Variants in B3GLCT observed in about 807,000 individuals in gnomAD.
B3GLCT encodes the protein beta 3-glucosyltransferase.
In B3GLCT, 65 loss-of-function variants were observed where a neutral mutation model predicts 63.4. The ratio of observed to expected loss-of-function variants is 1.03; its 90% confidence interval spans 0.84 to 1.26. The LOEUF is 1.26. Among genes scored for constraint, B3GLCT ranks in the 50% most tolerant of loss-of-function variants. The pLI is 0.00. For missense variants in B3GLCT, 577 were observed against 604.8 expected, an observed-to-expected ratio of 0.95 and a Z score of 0.48; for synonymous variants, 233 against 219.2, an observed-to-expected ratio of 1.06 and a Z score of -0.55.
At chr13:31,214,029 G>C (rs957465756) in intron 1 of B3GLCT, among the ~76,000 whole-genome samples, 8 of 152,206 alleles carry the variant, frequency 5.3e-5, no homozygotes, top group African/African-American at 1.9e-4. Context: ...ATGGATGTCT[G>C]GGGGTGGGGA....
At chr13:31,207,186 A>T (rs1869003020) in intron 1 of B3GLCT, among the ~76,000 whole-genome samples, 1 of 152,208 alleles carries the variant, frequency 6.6e-6, no homozygotes, top group African/African-American at 2.4e-5. Flanking sequence ...AATTAATAAG[A>T]TGCCCAAAAG....
intron 2 of B3GLCT, among the ~76,000 whole-genome samples, 189 bp from the exon 3 acceptor site, chr13:31,222,763 A>G (rs1254702040): frequency 6.6e-6 from 1 of 152,234 alleles, no homozygotes; most frequent in Non-Finnish European, 1.5e-5. Flanking sequence ...CATGATACAG[A>G]AGTACATCAT....
At chr13:31,267,471 T>C (rs376712800) in intron 7 of B3GLCT, among the ~76,000 whole-genome samples, 1 of 152,264 alleles carries the variant, frequency 6.6e-6, no homozygotes, top group East Asian at 1.9e-4. Flanking sequence ...AGAATTCAAA[T>C]TGAACAAGAT....
At chr13:31,244,751 G>A (rs1188746365) in intron 4 of B3GLCT, among the ~76,000 whole-genome samples, 2 of 152,048 alleles carry the variant, frequency 1.3e-5, no homozygotes, top group African/African-American at 2.4e-5. Flanking sequence ...ATATATATGT[G>A]TATATATGTG....
At chr13:31,219,030 G>T (rs1454531126) in intron 2 of B3GLCT, among the ~76,000 whole-genome samples, 3 of 151,514 alleles carry the variant, frequency 2.0e-5, no homozygotes, top group Non-Finnish European at 4.4e-5. Flanking sequence ...GTAAAGCGCT[G>T]GTTCCAGTCC....
intron 12 of B3GLCT, among the ~76,000 whole-genome samples, chr13:31,311,970 T>G (rs183300542): frequency 5.3e-5 from 8 of 152,000 alleles, no homozygotes; most frequent in Admixed American, 2.0e-4. Context: ...GGAAAAAGGG[T>G]TAATGAACCA....
chr13:31,258,594 A>G (rs565292907), intron 6 of B3GLCT, among the ~76,000 whole-genome samples: 145 of 152,142 alleles, frequency 9.5e-4, no homozygotes, highest in African/African-American at 3.3e-3. Context: ...ATGCTCCACC[A>G]TTGTCTTTCC....
In B3GLCT at chr13:31,304,630, A is replaced by G. The variant is rs1410504127; in HGVS notation, c.1065-12936A>G. On this transcript the variant is annotated intron_variant, in intron 12 of 14. Transcript: ENST00000343307. ...ATCAATTCAACAAGAGGAGCTAACT[A>G]TCCTAAATATTTATGCACCCAATAC... Among the ~76,000 whole-genome samples the G allele has an allele frequency of 2.0e-4, 9 of 45,156 alleles. 1 individual carries two copies. Among genetic ancestry groups the G allele is most frequent in the Admixed American group, 9.3e-4 (3 of 3,242 alleles). 29.6% of individuals were successfully genotyped at this position (45,156 alleles called of 152,430 possible).
intron 2 of B3GLCT, among the ~76,000 whole-genome samples, chr13:31,218,955 G>A (rs1869692278): frequency 6.8e-6 from 1 of 146,590 alleles, no homozygotes; most frequent in African/African-American, 2.5e-5. Flanking sequence ...CTTCTATTCA[G>A]GTGATCATGT....
In B3GLCT at chr13:31,261,136, A is replaced by T. The variant is rs922287437; in HGVS notation, c.596+54A>T. Reference sequence around the variant, plus strand: ...GGCGGGAGGGGTGTGCATCAACTTTAATTTCATTGAGTACTGTAACTGATG... The same window carrying T: ...GGCGGGAGGGGTGTGCATCAACTTTTATTTCATTGAGTACTGTAACTGATG... On this transcript the variant is annotated intron_variant, in intron 7 of 14. Coordinates refer to ENST00000343307, the MANE Select transcript of B3GLCT (RefSeq NM_194318.4). The T allele has an allele frequency of 1.5e-5, 24 of 1,585,248 alleles. No individual in the cohort carries two copies. The African/African-American group carries it at 2.0e-4, about 13-fold the overall frequency.
intron 4 of B3GLCT, among the ~76,000 whole-genome samples, chr13:31,242,610 A>G (rs1023764484): frequency 6.6e-6 from 1 of 152,248 alleles, no homozygotes; most frequent in Non-Finnish European, 1.5e-5. Context: ...TGCATGGCTC[A>G]GAAGAAATAG....
At chr13:31,248,031 G>A in intron 6 of B3GLCT, 65 bp downstream of exon 6, 2 of 901,124 alleles carry the variant, frequency 2.2e-6, no homozygotes, top group Non-Finnish European at 1.8e-6. Flanking sequence ...ATTTAATTTT[G>A]ATTAAGAAGC....
intron 1 of B3GLCT, among the ~76,000 whole-genome samples, chr13:31,209,255 C>T (rs900581774): frequency 9.9e-5 from 15 of 152,172 alleles, no homozygotes; most frequent in South Asian, 4.1e-4. Flanking sequence ...TTACCTCTGT[C>T]GCTGGGCTGC....
At chr13:31,260,266 G>T (rs953432573) in intron 6 of B3GLCT, 2 of 152,118 alleles carry the variant, frequency 1.3e-5, no homozygotes, top group Non-Finnish European at 2.9e-5. Context: ...TACTGAGGAT[G>T]AACAAAATGC....
chr13:31,295,803 C>T (rs1178877132), intron 12 of B3GLCT, among the ~76,000 whole-genome samples: 4 of 152,160 alleles, frequency 2.6e-5, no homozygotes, highest in African/African-American at 9.7e-5. Flanking sequence ...TTGCTTTAAC[C>T]CCCTTTCCAG....
intron 1 of B3GLCT, among the ~76,000 whole-genome samples, chr13:31,214,608 C>T (rs1421783197): frequency 6.6e-6 from 1 of 152,184 alleles, no homozygotes. Context: ...AAAGCTTGCT[C>T]CAAATTTAGC....
chr13:31,227,124 CT>C (rs1267803639), intron 3 of B3GLCT, among the ~76,000 whole-genome samples: 1 of 152,078 alleles, frequency 6.6e-6, no homozygotes, highest in Admixed American at 6.5e-5. Flanking sequence ...ACATGTAGTA[CT>C]GGTTAATTTT....
chr13:31,217,339 A>G (rs974159108), intron 2 of B3GLCT, among the ~76,000 whole-genome samples: 3 of 152,016 alleles, frequency 2.0e-5, no homozygotes, highest in Non-Finnish European at 4.4e-5. Flanking sequence ...TAGATTCTGG[A>G]TATTAGCCCT....
In B3GLCT at chr13:31,286,907, T is replaced by G. The variant is rs561116232; in HGVS notation, c.1064+88T>G. ...AGATGGGTACTTTTTCTGGCCAAGA[T>G]GAAGTAACGGGGACGGGGTTTACCC... is the stretch of plus-strand genomic sequence containing the variant. On this transcript the variant is annotated intron_variant, in intron 12 of 14. Transcript: ENST00000343307. 4.5e-6 allele frequency: 4 copies of G among 883,044 alleles called. No individual in the cohort carries two copies. In the South Asian group the frequency reaches 6.3e-5, roughly 14 times the overall value. The allele number at this position is 883,044 out of a possible 1,614,324, so 54.7% of individuals were successfully genotyped here.
Sources: gnomAD v4.1 joint callset for allele counts (sites outside exome capture counted in the v4.1 genomes callset) on GRCh38, gnomAD v4.1.1 for gene constraint, MANE v1.5 for transcripts, NCBI Gene and HGNC (gene_info 2026-07-23, HGNC 2026-07-21) for gene names.